ROBO2: variants seen among roughly 807,000 people sequenced by gnomAD.
The protein encoded by ROBO2 is roundabout homolog 2.
In ROBO2, 53 loss-of-function variants were observed where a neutral mutation model predicts 160.8. The ratio of observed to expected loss-of-function variants is 0.33; its 90% confidence interval spans 0.26 to 0.41. The LOEUF is 0.41. Among genes scored for constraint, ROBO2 ranks in the 10% least tolerant of loss-of-function variants. The pLI is 1.00. For synonymous variants in ROBO2, 664 were observed against 611.7 expected (o/e 1.09, Z -1.26); for missense variants, 1,577 against 1,722.4 (o/e 0.92, Z 1.49).
intron 2 of ROBO2, among the ~76,000 whole-genome samples, chr3:76,505,357 T>C (rs945577115): frequency 8.0e-6 from 1 of 124,992 alleles, no homozygotes; most frequent in Non-Finnish European, 1.7e-5. Context: ...CAGCTAAAGA[T>C]AGTTCAGCAT....
intron 2 of ROBO2, among the ~76,000 whole-genome samples, chr3:76,569,286 G>T (rs1170676568): frequency 6.6e-6 from 1 of 152,014 alleles, no homozygotes; most frequent in African/African-American, 2.4e-5. Flanking sequence ...AGATGTTATA[G>T]AACATATACA....
At chr3:76,875,466 G>C (rs766614808) in intron 2 of ROBO2, among the ~76,000 whole-genome samples, 3 of 152,168 alleles carry the variant, frequency 2.0e-5, no homozygotes, top group Middle Eastern at 3.2e-3. Context: ...GAGTTCTGGA[G>C]GTCAGAAGTG....
rs548707068 is a variant in ROBO2 at position 75,917,455 on chromosome 3, G to A, written c.-14+10495G>A. Among the ~76,000 whole-genome samples, 80 of 152,270 alleles carry A rather than the reference G, an allele frequency of 5.3e-4. 1 individual carries two copies. The highest frequency in any genetic ancestry group is 1.0e-3 in the Non-Finnish European group (68 of 68,026). ...TCTATCATTGATGGGCATTATGTTGGTTCCAAGTCTTTGCTATTGTAAATA... is the reference window on the plus strand; with the variant it reads ...TCTATCATTGATGGGCATTATGTTGATTCCAAGTCTTTGCTATTGTAAATA... On this transcript the variant is annotated intron_variant, in intron 1 of 26. Coordinates refer to the ROBO2 transcript ENST00000487694.
At chr3:77,523,989 C>T (rs532285871) in intron 6 of ROBO2, among the ~76,000 whole-genome samples, 2 of 151,238 alleles carry the variant, frequency 1.3e-5, no homozygotes, top group Admixed American at 6.6e-5. Context: ...GTTAGTCCTT[C>T]GCGTGGTAAG....
At chr3:76,717,491 C>CAA (rs538321640) in intron 2 of ROBO2, among the ~76,000 whole-genome samples, 13 of 73,218 alleles carry the variant, frequency 1.8e-4, no homozygotes, top group Admixed American at 1.6e-4. Flanking sequence ...ACCCTGTCTC[C>CAA]AAAAAAAAAA....
intron 2 of ROBO2, among the ~76,000 whole-genome samples, chr3:76,622,771 G>A (rs1427634147): frequency 2.6e-5 from 4 of 152,078 alleles, no homozygotes; most frequent in African/African-American, 9.7e-5. Flanking sequence ...CACTTGTCAA[G>A]CTTCTATGTA....
intron 2 of ROBO2, among the ~76,000 whole-genome samples, chr3:77,110,831 C>T (rs902985309): frequency 2.0e-5 from 3 of 152,018 alleles, no homozygotes; most frequent in Admixed American, 2.0e-4. Flanking sequence ...GTAGCTTGTG[C>T]TACAGGCATG....
At chr3:76,642,709 T>C (rs376999842) in intron 2 of ROBO2, among the ~76,000 whole-genome samples, 10 of 152,066 alleles carry the variant, frequency 6.6e-5, no homozygotes, top group African/African-American at 2.4e-4. Flanking sequence ...ACATAAAACA[T>C]AACCATGGAA....
intron 2 of ROBO2, among the ~76,000 whole-genome samples, chr3:77,170,728 A>G (rs2079553781): frequency 6.6e-6 from 1 of 152,194 alleles, no homozygotes; most frequent in Non-Finnish European, 1.5e-5. Flanking sequence ...CAGCAAGTCT[A>G]TAATCTACAT....
chr3:76,868,255 A>G (rs1342050079), intron 2 of ROBO2, among the ~76,000 whole-genome samples: 1 of 152,128 alleles, frequency 6.6e-6, no homozygotes, highest in Admixed American at 6.6e-5. Flanking sequence ...GTTCTTCTTG[A>G]ATTTCAGGTG....
rs200235893 is a variant in ROBO2 at position 76,192,530 on chromosome 3, A to C, written c.109+254928A>C. Among the ~76,000 whole-genome samples, 51 of 95,890 alleles carry C rather than the reference A, an allele frequency of 5.3e-4. No homozygotes were observed. In the East Asian group the frequency reaches 7.5e-3, roughly 14 times the overall value. 62.9% of individuals were successfully genotyped at this position (95,890 alleles called of 152,430 possible). ...CTTTGCGTCCAACACTCCACCACAC[A>C]CACACACACACACACACACACACAC... On this transcript the variant is annotated intron_variant, in intron 2 of 26. Coordinates refer to the ROBO2 transcript ENST00000487694.
intron 2 of ROBO2, among the ~76,000 whole-genome samples, chr3:77,013,862 G>A (rs143674306): frequency 3.9e-5 from 6 of 152,234 alleles, no homozygotes; most frequent in South Asian, 4.1e-4. Context: ...ATACACTTTC[G>A]TTTCTCCATG....
At chr3:76,458,434 C>T (rs2077898797) in intron 2 of ROBO2, among the ~76,000 whole-genome samples, 1 of 152,158 alleles carries the variant, frequency 6.6e-6, no homozygotes, top group Non-Finnish European at 1.5e-5. Context: ...GTCCATATCC[C>T]TATCAGCATT....
At chr3:77,410,958 C>T (rs549570979) in intron 2 of ROBO2, among the ~76,000 whole-genome samples, 1 of 151,962 alleles carries the variant, frequency 6.6e-6, no homozygotes, top group Admixed American at 6.6e-5. Context: ...TATGCATCAC[C>T]ACTCCCAGCT....
At chr3:76,796,424 A>G (rs1232778406) in intron 2 of ROBO2, among the ~76,000 whole-genome samples, 1 of 151,664 alleles carries the variant, frequency 6.6e-6, no homozygotes, top group Non-Finnish European at 1.5e-5. Flanking sequence ...GAAGGAAAAA[A>G]AAAAGAAGGA....
chr3:77,134,198 A>G (rs995912880), intron 2 of ROBO2, among the ~76,000 whole-genome samples: 3 of 152,106 alleles, frequency 2.0e-5, no homozygotes, highest in African/African-American at 7.2e-5. Context: ...GAAAAGAAAC[A>G]TAAAAACAAG....
intron 2 of ROBO2, among the ~76,000 whole-genome samples, chr3:76,913,058 C>A (rs2076089626): frequency 6.6e-6 from 1 of 152,030 alleles, no homozygotes; most frequent in Non-Finnish European, 1.5e-5. Flanking sequence ...TGGTGGAGGT[C>A]CAGATTGAGT....
chr3:77,279,352 T>G (rs994199911), intron 2 of ROBO2, among the ~76,000 whole-genome samples: 1 of 152,254 alleles, frequency 6.6e-6, no homozygotes, highest in Middle Eastern at 3.4e-3. Flanking sequence ...GGAAACATTA[T>G]GCAAATGACT....
intron 2 of ROBO2, among the ~76,000 whole-genome samples, chr3:75,948,205 A>T (rs1948392360): frequency 6.6e-6 from 1 of 152,040 alleles, no homozygotes; most frequent in South Asian, 2.1e-4. Flanking sequence ...TTTGTTGTGT[A>T]TGATATAGAT....
Sources: gnomAD v4.1 joint callset for allele counts (sites outside exome capture counted in the v4.1 genomes callset) on GRCh38, gnomAD v4.1.1 for gene constraint, MANE v1.5 for transcripts, NCBI Gene and HGNC (gene_info 2026-07-23, HGNC 2026-07-21) for gene names.